OPRM1: variants seen among roughly 807,000 people sequenced by gnomAD.
The protein encoded by OPRM1 is opioid receptor mu 1, also known as mu-type opioid receptor.
OPRM1 carries 27 observed loss-of-function variants against 31.8 expected under a neutral mutation model. That is an observed-to-expected ratio of 0.85 (90% CI 0.63 to 1.17). The LOEUF (loss-of-function observed/expected upper bound fraction) is 1.17. Among genes scored for constraint, OPRM1 ranks in the 50% most tolerant of loss-of-function variants. The pLI is 0.00. For missense variants in OPRM1, 536 were observed against 511.1 expected (o/e 1.05, Z -0.47); for synonymous variants, 196 against 189.9 (o/e 1.03, Z -0.26).
At chr6:154,117,234 C>T (rs1796973096) in intron 3 of OPRM1, among the ~76,000 whole-genome samples, 1 of 152,166 alleles carries the variant, frequency 6.6e-6, no homozygotes, top group Non-Finnish European at 1.5e-5. Context: ...CCTTTTTATT[C>T]TTCCAAAAAG....
chr6:154,191,399 C>T (rs1369574634), intron 3 of OPRM1, among the ~76,000 whole-genome samples: 1 of 152,092 alleles, frequency 6.6e-6, no homozygotes, highest in African/African-American at 2.4e-5. Flanking sequence ...CCATGCCAGG[C>T]GCGGTGGCTC....
intron 1 of OPRM1, chr6:154,073,950 C>T (rs1404574856): frequency 1.3e-5 from 2 of 152,152 alleles, no homozygotes; most frequent in African/African-American, 4.8e-5. Context: ...CAAGATTGTC[C>T]CACTGCACTC....
intron 3 of OPRM1, 114 bp from the exon 4 acceptor site, chr6:154,118,569 G>A: frequency 1.1e-6 from 1 of 910,986 alleles, no homozygotes; most frequent in Non-Finnish European, 1.7e-6. Flanking sequence ...GCTTGCAGGT[G>A]AAAGTATACA....
intron 1 of OPRM1, among the ~76,000 whole-genome samples, chr6:154,045,804 T>C (rs542764023): frequency 1.4e-4 from 21 of 152,312 alleles, no homozygotes; most frequent in African/African-American, 5.1e-4. Context: ...ATTTGGAAGT[T>C]CAGGAAAGTT....
chr6:154,117,657 G>T (rs1402638796), intron 3 of OPRM1, among the ~76,000 whole-genome samples: 2 of 152,170 alleles, frequency 1.3e-5, no homozygotes, highest in Non-Finnish European at 2.9e-5. Context: ...TTAATTGCCT[G>T]TGTGACCAGC....
At chr6:154,103,502 G>C (rs1244776981) in intron 3 of OPRM1, among the ~76,000 whole-genome samples, 1 of 152,084 alleles carries the variant, frequency 6.6e-6, no homozygotes, top group Non-Finnish European at 1.5e-5. Context: ...ACTAATTTCT[G>C]TAATACTATA....
At chr6:154,032,796 A>C (rs1016463794) in intron 1 of OPRM1, among the ~76,000 whole-genome samples, 3 of 152,180 alleles carry the variant, frequency 2.0e-5, no homozygotes, top group African/African-American at 7.2e-5. Context: ...AGGCTGCCAG[A>C]TTTTTGCCTT....
At chr6:154,025,319 T>C (rs1316308467) in intron 1 of OPRM1, among the ~76,000 whole-genome samples, 1 of 152,092 alleles carries the variant, frequency 6.6e-6, no homozygotes, top group Non-Finnish European at 1.5e-5. Context: ...ATCTATTTTG[T>C]CTGATACAAG....
Position 154,168,206 on chromosome 6 carries a change from A to C in OPRM1, c.1164+76734A>C. On this transcript the variant is annotated intron_variant, in intron 3 of 3. Coordinates refer to the OPRM1 transcript ENST00000337049. This position sits in a 1 kb window ranked among gnomAD's most constrained non-coding sequence, Gnocchi z 4.1. ...TACTGTGGTCCCAAGGCACGGCCCC[A>C]CTGGCACCCTCATCTCAGACTTCTC... 1.2e-6 allele frequency: 1 copy of C among 860,758 alleles called. No homozygotes were observed. Among genetic ancestry groups the C allele is most frequent in the Non-Finnish European group, 1.7e-6 (1 of 573,656 alleles). The allele number at this position is 860,758 out of a possible 1,614,324, so 53.3% of individuals were successfully genotyped here.
At chr6:154,198,429 G>T (rs930452946) in intron 3 of OPRM1, among the ~76,000 whole-genome samples, 2 of 152,092 alleles carry the variant, frequency 1.3e-5, no homozygotes, top group African/African-American at 2.4e-5. Context: ...TGGTTTGCCA[G>T]ACTTTATTTA....
intron 3 of OPRM1, among the ~76,000 whole-genome samples, chr6:154,140,193 A>G (rs926687394): frequency 1.3e-5 from 2 of 152,190 alleles, no homozygotes; most frequent in Non-Finnish European, 2.9e-5. Flanking sequence ...GCAACAAAAG[A>G]ACCACAGCTT....
chr6:154,118,604 C>A (rs17174949), intron 3 of OPRM1, 79 bp from the exon 4 acceptor site: 4 of 1,390,362 alleles, frequency 2.9e-6, no homozygotes, highest in Non-Finnish European at 1.0e-6. Context: ...GCAGTTCTTA[C>A]GAGCAGAAGA....
At chr6:154,160,280 A>G (rs1310639816) in intron 3 of OPRM1, among the ~76,000 whole-genome samples, 1 of 152,200 alleles carries the variant, frequency 6.6e-6, no homozygotes, top group African/African-American at 2.4e-5. Context: ...CATATAGCAA[A>G]GATCTTCTAT....
intron 3 of OPRM1, among the ~76,000 whole-genome samples, chr6:154,150,954 C>G (rs57353668): frequency 6.6e-6 from 1 of 152,214 alleles, no homozygotes; most frequent in Non-Finnish European, 1.5e-5. Flanking sequence ...CTCTTCGATG[C>G]GTCAATGGCA....
At chr6:154,194,904 T>C (rs1336157263) in intron 3 of OPRM1, among the ~76,000 whole-genome samples, 1 of 152,042 alleles carries the variant, frequency 6.6e-6, no homozygotes, top group African/African-American at 2.4e-5. Flanking sequence ...CAACATCAAA[T>C]GATACTTCAC....
upstream of OPRM1, chr6:154,039,099 A>T (rs1779506915): frequency 6.8e-7 from 1 of 1,481,106 alleles, no homozygotes; most frequent in Non-Finnish European, 9.0e-7. Flanking sequence ...CTTATTTTTC[A>T]CTGCTACCAA....
intron 3 of OPRM1, chr6:154,154,888 T>G (rs765766076): frequency 6.6e-6 from 1 of 152,452 alleles, no homozygotes; most frequent in African/African-American, 2.4e-5. Context: ...CCAAACACCA[T>G]GCAGTGCTAA....
At chr6:154,209,609 A>G (rs552195204) in intron 3 of OPRM1, among the ~76,000 whole-genome samples, 94 of 149,936 alleles carry the variant, frequency 6.3e-4, no homozygotes, top group African/African-American at 2.1e-3. Context: ...ACGCCACTGC[A>G]CTCCAGCCTG....
At chr6:154,152,347 G>GGAAGGAAAGAAAGAAAGAAAGAAAGAAA (rs1798546951) in intron 3 of OPRM1, among the ~76,000 whole-genome samples, 1 of 65,132 alleles carries the variant, frequency 1.5e-5, no homozygotes, top group Non-Finnish European at 3.1e-5. Context: ...AAGAAAGAAA[G>GGAAGGAAAGAAAGAAAGAAAGAAAGAAA]GAAAGAAAGA....
Sources: gnomAD v4.1 joint callset for allele counts (sites outside exome capture counted in the v4.1 genomes callset) on GRCh38, gnomAD v4.1.1 for gene constraint, Gnocchi (gnomAD v3.1) non-coding constraint, MANE v1.5 for transcripts, NCBI Gene and HGNC (gene_info 2026-07-23, HGNC 2026-07-21) for gene names.